The following PAPLN variants were observed in gnomAD, a reference collection of about 807,000 sequenced individuals.
PAPLN encodes the protein papilin, proteoglycan like sulfated glycoprotein.
In PAPLN, 146 loss-of-function variants were observed where a neutral mutation model predicts 159.0. The observed-to-expected ratio is 0.92, with a 90% CI of 0.80 to 1.05. The LOEUF is 1.05. Among genes scored for constraint, PAPLN ranks in the 50% least tolerant of loss-of-function variants. The pLI, the probability that PAPLN is intolerant of heterozygous loss-of-function variation, is 0.00. For synonymous variants in PAPLN, 734 were observed against 702.9 expected, an observed-to-expected ratio of 1.04 and a Z score of -0.70; for missense variants, 1,720 against 1,743.9, an observed-to-expected ratio of 0.99 and a Z score of 0.24.
intron 16 of PAPLN, 29 bp downstream of exon 16, chr14:73,259,574 C>G (rs780739181): frequency 7.4e-6 from 11 of 1,476,998 alleles, no homozygotes; most frequent in Non-Finnish European, 9.0e-7. Context: ...TCTTCCTCCT[C>G]CCCCGTCAAA....
At position 73,261,251 on chromosome 14, in the gene PAPLN, A is replaced by G. The variant is rs202170102; in HGVS notation, c.2202A>G (p.Ala734=). ...GTTGCTATGACAACGTGGCCACTGCAGCCGGTCCTCTTGGGGAAGGCTGTG... is the reference window on the plus strand; with the variant it reads ...GTTGCTATGACAACGTGGCCACTGCGGCCGGTCCTCTTGGGGAAGGCTGTG... ...FGCCYDNVAT[A]AGPLGEGCVG... is the part of the protein sequence containing the mutation. Residue 734 remains alanine (A), a synonymous_variant, in exon 18 of 27, where the codon GCA becomes GCG. Transcript: ENST00000644200. 2 of 1,613,790 alleles carry G rather than the reference A, an allele frequency of 1.2e-6. No individual in the cohort carries two copies. The highest frequency in any genetic ancestry group is 1.1e-5 in the South Asian group (1 of 91,078).
chr14:73,249,721 G>C (rs177395), intron 5 of PAPLN: 2 of 205,092 alleles, frequency 9.8e-6, no homozygotes, highest in Non-Finnish European at 9.6e-6. Context: ...CACCTCAGCT[G>C]TGGTAAATAA....
rs1594792884 is a variant in PAPLN, at chr14:73,250,068, C to T, written c.419C>T (p.Pro140Leu). The change falls in exon 6 of 27, where the codon CCC becomes CTC. Residue 140 changes from proline (P) to leucine (L), a missense_variant. Coordinates refer to ENST00000644200, the MANE Select transcript of PAPLN (RefSeq NM_001365906.3). ...KHREAVVDGT[P>L]CEPGKRDVCV... is the part of the protein sequence containing the mutation. ...AGGGAGGCTGTGGTTGATGGGACGC[C>T]CTGCGAGCCTGGCAAGAGGGATGTC... The T allele has an allele frequency of 1.2e-6, 2 of 1,612,644 alleles. No individual in the cohort carries two copies. The highest frequency in any genetic ancestry group is 2.2e-5 in the South Asian group (2 of 90,696).
At chr14:73,266,415 C>T (rs1260563119) in intron 23 of PAPLN, 86 bp from the exon 24 acceptor site, 1 of 1,512,702 alleles carries the variant, frequency 6.6e-7, no homozygotes, top group African/African-American at 1.4e-5. Flanking sequence ...CTTGTGTTCC[C>T]TCCCTGACCC....
At chr14:73,269,606 AAGC>A (rs1410671540) in intron 26 of PAPLN, among the ~76,000 whole-genome samples, 2 of 152,226 alleles carry the variant, frequency 1.3e-5, no homozygotes, top group Non-Finnish European at 2.9e-5. Flanking sequence ...ATGTTCAAAT[AAGC>A]AGGAGGGAAA....
At chr14:73,270,683 T>C (rs575389000) in intron 26 of PAPLN, among the ~76,000 whole-genome samples, 2 of 152,360 alleles carry the variant, frequency 1.3e-5, no homozygotes, top group South Asian at 4.1e-4. Context: ...TGTTTGCGAT[T>C]AGCTCCAGAT....
At chr14:73,261,684 G>C (rs969217453) in intron 18 of PAPLN, among the ~76,000 whole-genome samples, 3 of 152,222 alleles carry the variant, frequency 2.0e-5, no homozygotes, top group African/African-American at 7.2e-5. Flanking sequence ...GTGCTGGAGG[G>C]AGGGTAGGGG....
intron 5 of PAPLN, among the ~76,000 whole-genome samples, chr14:73,247,652 G>A (rs866601620): frequency 2.2e-4 from 30 of 139,406 alleles, no homozygotes; most frequent in Admixed American, 7.9e-4. Flanking sequence ...CTCTTATCCT[G>A]TGTGTGTGTG....
chr14:73,241,357 A>G (rs1252474582), intron 2 of PAPLN, among the ~76,000 whole-genome samples: 1 of 152,218 alleles, frequency 6.6e-6, no homozygotes. Context: ...AGGGGGCACG[A>G]GGACAGCGTC....
intron 20 of PAPLN, 117 bp from the exon 21 acceptor site, chr14:73,264,094 G>A: frequency 2.5e-6 from 4 of 1,578,886 alleles, no homozygotes; most frequent in Non-Finnish European, 3.4e-6. Context: ...CTCACTTGGG[G>A]TGGGAGGGTG....
At position 73,265,598 on chromosome 14, in the gene PAPLN, T is replaced by C; in HGVS notation, c.3263+91T>C. On this transcript the variant is annotated intron_variant, in intron 23 of 26. Coordinates refer to ENST00000644200, the MANE Select transcript of PAPLN (RefSeq NM_001365906.3). This position sits in a 1 kb window ranked among gnomAD's most constrained non-coding sequence, Gnocchi z 4.1. ...ACCGGGGAAGGGAGCTGCTAGCGCATGGTCATGGCCAGTCCTGAGCCGGAC... is the reference window on the plus strand; with the variant it reads ...ACCGGGGAAGGGAGCTGCTAGCGCACGGTCATGGCCAGTCCTGAGCCGGAC... 6.5e-7 allele frequency: 1 copy of C among 1,545,046 alleles called. No homozygotes were observed. The highest frequency in any genetic ancestry group is 8.8e-7 in the Non-Finnish European group (1 of 1,141,968).
chr14:73,270,551 A>G (rs924071250), intron 26 of PAPLN, among the ~76,000 whole-genome samples: 1 of 152,228 alleles, frequency 6.6e-6, no homozygotes. Flanking sequence ...TCCAGGGACT[A>G]CTTTTCACCT....
At chr14:73,264,774 G>A in intron 22 of PAPLN, 48 bp downstream of exon 22, 1 of 1,607,252 alleles carries the variant, frequency 6.2e-7, no homozygotes, top group Non-Finnish European at 8.5e-7. Flanking sequence ...CCAGGGCCAG[G>A]GCCGGGGGTC....
At chr14:73,259,899 A>G (rs1449994283) in intron 16 of PAPLN, among the ~76,000 whole-genome samples, 11 of 151,486 alleles carry the variant, frequency 7.3e-5, no homozygotes, top group Non-Finnish European at 1.3e-4. Context: ...GGGCCAACCA[A>G]CTCCTCACAA....
chr14:73,251,616 G>T, intron 8 of PAPLN, 48 bp from the exon 9 acceptor site: 6 of 1,613,418 alleles, frequency 3.7e-6, no homozygotes, highest in Non-Finnish European at 5.1e-6. Flanking sequence ...GCAGGGGGAG[G>T]TGCGGCACTG....
intron 14 of PAPLN, among the ~76,000 whole-genome samples, chr14:73,256,841 A>C (rs11845511): frequency 0.58 from 88,233 of 151,912 alleles, 26,131 homozygotes; most frequent in East Asian, 0.73. Context: ...TGAGATCGCA[A>C]CCCTGTAACT....
chr14:73,267,740 C>A (rs1341341206), intron 25 of PAPLN, among the ~76,000 whole-genome samples: 1 of 152,196 alleles, frequency 6.6e-6, no homozygotes, highest in Non-Finnish European at 1.5e-5. Flanking sequence ...CACTGGTGTG[C>A]TCAGTCCAGC....
rs8018277 is a variant in PAPLN, at chr14:73,261,389, C to T, written c.2245+95C>T. On this transcript the variant is annotated intron_variant, in intron 18 of 26. Transcript: ENST00000644200. ...CCAGGACCAAAGACCTTCCTACCAG[C>T]TCAGTTATTCATTCATTCCTACCAC... 3.3e-3 allele frequency: 4,927 copies of T among 1,471,248 alleles called. 114 individuals are homozygous for T. In the African/African-American group the frequency reaches 0.05, roughly 15 times the overall value. 91.1% of individuals were successfully genotyped at this position (1,471,248 alleles called of 1,614,324 possible).
chr14:73,254,741 G>A (rs762727675), intron 13 of PAPLN, 46 bp downstream of exon 13: 1 of 1,599,910 alleles, frequency 6.3e-7, no homozygotes, highest in East Asian at 2.2e-5. Flanking sequence ...CCTGGTCTCT[G>A]GCAGGTGGCT....
Sources: gnomAD v4.1 joint callset for allele counts (sites outside exome capture counted in the v4.1 genomes callset) on GRCh38, gnomAD v4.1.1 for gene constraint, Gnocchi (gnomAD v3.1) non-coding constraint, MANE v1.5 for transcripts, NCBI Gene and HGNC (gene_info 2026-07-23, HGNC 2026-07-21) for gene names.